MAML2: variants seen among roughly 807,000 people sequenced by gnomAD.
MAML2 encodes the protein mastermind like transcriptional coactivator 2, also known as mastermind-like protein 2.
MAML2 carries 22 observed loss-of-function variants against 96.1 expected under a neutral mutation model. The observed-to-expected ratio is 0.23, with a 90% CI of 0.16 to 0.33. The LOEUF is 0.33. MAML2 is among the 10% of genes least tolerant of loss of function. The probability of loss-of-function intolerance (pLI) is 1.00; values close to 1 mark genes in which losing one functional copy is unlikely to be tolerated. For missense variants in MAML2, 1,367 were observed against 1,392.4 expected, an observed-to-expected ratio of 0.98 and a Z score of 0.29; for synonymous variants, 561 against 521.3, an observed-to-expected ratio of 1.08 and a Z score of -1.04.
intron 1 of MAML2, among the ~76,000 whole-genome samples, chr11:96,315,823 G>A (rs189521073): frequency 1.1e-3 from 174 of 152,316 alleles, no homozygotes; most frequent in African/African-American, 4.1e-3. Flanking sequence ...GAACTATAGG[G>A]AAACCCTGGT....
chr11:96,080,812 T>A (rs996687517), intron 2 of MAML2, among the ~76,000 whole-genome samples: 2 of 152,210 alleles, frequency 1.3e-5, no homozygotes, highest in African/African-American at 4.8e-5. Context: ...ATAGTTTTGT[T>A]CTATCTGAAG....
intron 3 of MAML2, among the ~76,000 whole-genome samples, chr11:95,990,968 A>AT (rs923703089): frequency 1.3e-5 from 2 of 152,066 alleles, no homozygotes; most frequent in African/African-American, 4.8e-5. Flanking sequence ...GGTTTTTGCC[A>AT]TTAAAAGTAG....
At chr11:96,256,553 C>T (rs1862671063) in intron 1 of MAML2, among the ~76,000 whole-genome samples, 1 of 152,160 alleles carries the variant, frequency 6.6e-6, no homozygotes. Flanking sequence ...TACATGGGTT[C>T]ATAGGAATCT....
In MAML2 at chr11:96,159,407, C is replaced by CTTTTTTTTTTTTTTTT. The variant is rs760811590; in HGVS notation, c.514-65906_514-65891dup. Among the ~76,000 whole-genome samples, 99 of 91,136 alleles carry CTTTTTTTTTTTTTTTT rather than the reference C, an allele frequency of 1.1e-3. 12 individuals carry two copies. Among genetic ancestry groups the CTTTTTTTTTTTTTTTT allele is most frequent in the East Asian group, 1.3e-3 (3 of 2,270 alleles). 59.8% of individuals were successfully genotyped at this position (91,136 alleles called of 152,430 possible). On this transcript the variant is annotated intron_variant, in intron 1 of 4. Coordinates refer to ENST00000524717, the MANE Select transcript of MAML2 (RefSeq NM_032427.4). ...TAACCGTGCCTCTAAACCACTGATT[C>CTTTTTTTTTTTTTTTT]TTTTTTTTTTTTTTTTTTTTTTTGA...
chr11:96,092,904 G>A lies in MAML2; in HGVS notation c.1127C>T (p.Pro376Leu), dbSNP rs1249222306. The A allele has an allele frequency of 1.9e-6, 3 of 1,605,432 alleles. No individual in the cohort carries two copies. In the East Asian group the frequency reaches 6.7e-5, roughly 36 times the overall value. ...SEYSPGLTQG[P>L]SGSPQLRPPS... is the part of the protein sequence containing the mutation. ...GGGCCTCAGCTGAGGAGAGCCTGAG[G>A]GGCCCTGAGTCAAGCCCGGTGAGTA... Residue 376 changes from proline (P) to leucine (L), a missense_variant, in exon 2 of 5, where the codon CCC becomes CTC. Pro to Leu is a moderately conservative substitution (Grantham distance 98). Transcript: ENST00000524717. This position sits in a 1 kb window ranked among gnomAD's most constrained non-coding sequence, Gnocchi z 4.1.
In MAML2 at chr11:96,092,835, G is replaced by A; in HGVS notation, c.1196C>T (p.Ser399Phe). Residue 399 changes from serine to phenylalanine, a missense_variant, in exon 2 of 5, where the codon TCC becomes TTC. Physicochemically the swap from Ser to Phe is radical, Grantham distance 155. Transcript: ENST00000524717. The surrounding 1 kb of genome is among the most constrained non-coding windows in gnomAD (Gnocchi z 4.1). ...GACTGAAGGGATTGGAGACGAAGTG[G>A]AGAGGGCAGAGTTGGCCATGGAGAA... ...PAFSMANSAL[S>F]TSSPIPSVPQ... The A allele has an allele frequency of 6.2e-7, 1 of 1,608,708 alleles. No homozygotes were observed. Among genetic ancestry groups the A allele is most frequent in the East Asian group, 2.2e-5 (1 of 44,780 alleles).
At chr11:96,266,640 C>T (rs1234257632) in intron 1 of MAML2, among the ~76,000 whole-genome samples, 3 of 152,082 alleles carry the variant, frequency 2.0e-5, no homozygotes, top group Admixed American at 1.3e-4. Flanking sequence ...AATTGACTAC[C>T]TCTCTAACTG....
intron 1 of MAML2, among the ~76,000 whole-genome samples, chr11:96,251,077 T>A (rs899995884): frequency 6.6e-6 from 1 of 152,174 alleles, no homozygotes; most frequent in Non-Finnish European, 1.5e-5. Flanking sequence ...AATAAAGTAG[T>A]CTTTACAATT....
chr11:95,980,718 C>T, intron 4 of MAML2, among the ~76,000 whole-genome samples: 1 of 152,214 alleles, frequency 6.6e-6, no homozygotes, highest in East Asian at 1.9e-4. Flanking sequence ...CTTTTATCTT[C>T]CAGCCTCCTC....
At chr11:96,185,610 T>A (rs1240636493) in intron 1 of MAML2, among the ~76,000 whole-genome samples, 1 of 152,242 alleles carries the variant, frequency 6.6e-6, no homozygotes, top group Non-Finnish European at 1.5e-5. Flanking sequence ...TGGCATCACC[T>A]GGGAACTTGC....
intron 2 of MAML2, among the ~76,000 whole-genome samples, chr11:96,050,632 C>T (rs996415520): frequency 6.6e-6 from 1 of 152,070 alleles, no homozygotes; most frequent in Non-Finnish European, 1.5e-5. Flanking sequence ...TAAAAATGAC[C>T]CCTCATTGGT....
rs1862339523 is a variant in MAML2, at chr11:96,234,457, G to A, written c.513+106926C>T. 2.0e-5 allele frequency among the ~76,000 whole-genome samples: 3 copies of A among 152,018 alleles called. No individual in the cohort carries two copies. In the South Asian group the frequency reaches 6.2e-4, roughly 32 times the overall value. ...GATCACGCCATTGCACTCCAGCCTG[G>A]GAAACAATAGCAAAACTCCATCTCA... is the stretch of plus-strand genomic sequence containing the variant. On this transcript the variant is annotated intron_variant, in intron 1 of 4. Transcript: ENST00000524717.
intron 1 of MAML2, among the ~76,000 whole-genome samples, chr11:96,312,297 A>C (rs1863554864): frequency 6.6e-6 from 1 of 152,066 alleles, no homozygotes. Flanking sequence ...TCACAAAGGA[A>C]AACTCCAAAG....
At chr11:95,992,879 T>A (rs1158908875) in intron 2 of MAML2, among the ~76,000 whole-genome samples, 1 of 149,536 alleles carries the variant, frequency 6.7e-6, no homozygotes, top group Admixed American at 6.7e-5. Context: ...GAAATCCAAC[T>A]CTCTCTTTTT....
intron 1 of MAML2, among the ~76,000 whole-genome samples, chr11:96,250,060 T>A (rs972859294): frequency 6.6e-6 from 1 of 152,132 alleles, no homozygotes; most frequent in Non-Finnish European, 1.5e-5. Flanking sequence ...GAGAACTCGT[T>A]ATCCAGACAG....
chr11:96,012,846 A>G (rs1019698624), intron 2 of MAML2, among the ~76,000 whole-genome samples: 2 of 152,222 alleles, frequency 1.3e-5, no homozygotes, highest in Non-Finnish European at 2.9e-5. Flanking sequence ...AAACATTTTC[A>G]GAAACCTCTT....
intron 1 of MAML2, among the ~76,000 whole-genome samples, chr11:96,222,699 G>T (rs1260984961): frequency 6.6e-6 from 1 of 152,022 alleles, no homozygotes; most frequent in Non-Finnish European, 1.5e-5. Context: ...GTTGCATATC[G>T]TGGCCAAAGA....
At chr11:96,129,305 T>C (rs927661170) in intron 1 of MAML2, among the ~76,000 whole-genome samples, 7 of 152,206 alleles carry the variant, frequency 4.6e-5, no homozygotes, top group African/African-American at 1.7e-4. Context: ...TATAGACCAG[T>C]GGTTCACCTG....
In MAML2 at chr11:96,275,596, C is replaced by T. The variant is rs528015141; in HGVS notation, c.513+65787G>A. ...AATTTTTCTTTCTTTTTGTACAACT[C>T]AGACCATGTGACAACTTAAAGTGAA... On this transcript the variant is annotated intron_variant, in intron 1 of 4. Transcript: ENST00000524717. Among the ~76,000 whole-genome samples the T allele has an allele frequency of 5.1e-4, 78 of 152,258 alleles. 1 individual carries two copies. Among genetic ancestry groups the T allele is most frequent in the African/African-American group, 1.9e-3 (77 of 41,546 alleles).
Sources: allele counts gnomAD v4.1 joint callset (sites outside exome capture counted in the v4.1 genomes callset), GRCh38; gene constraint gnomAD v4.1.1; non-coding constraint Gnocchi (gnomAD v3.1); transcripts MANE v1.5; gene names NCBI Gene and HGNC (gene_info 2026-07-23, HGNC 2026-07-21).